The following ZMAT5 variants were observed in gnomAD, a reference collection of about 807,000 sequenced individuals.
The protein encoded by ZMAT5 is zinc finger matrin-type protein 5.
Under a neutral mutation model 28.0 loss-of-function variants are expected in ZMAT5, and 23 were observed. The ratio of observed to expected loss-of-function variants is 0.82; its 90% CI spans 0.59 to 1.16. The LOEUF is 1.16. Ranked by LOEUF, ZMAT5 falls within the 50% of genes most tolerant of loss-of-function variation. The probability of loss-of-function intolerance (pLI) is 0.00; values close to 1 mark genes in which losing one functional copy is unlikely to be tolerated. For synonymous variants in ZMAT5, 76 were observed against 84.1 expected, an observed-to-expected ratio of 0.90 and a Z score of 0.52; for missense variants, 173 against 212.7, an observed-to-expected ratio of 0.81 and a Z score of 1.16.
At chr22:29,751,810 T>C (rs2068057497) in intron 1 of ZMAT5, among the ~76,000 whole-genome samples, 3 of 152,018 alleles carry the variant, frequency 2.0e-5, no homozygotes, top group Admixed American at 2.0e-4. Context: ...GTACAAAAAA[T>C]GCAAAAATCA....
chr22:29,748,214 C>T, intron 2 of ZMAT5: 1 of 684,146 alleles, frequency 1.5e-6, no homozygotes, highest in East Asian at 2.8e-5. Context: ...TTCCTCCTGT[C>T]CACAGAGCCT....
intron 4 of ZMAT5, 62 bp from the exon 5 acceptor site, chr22:29,738,503 C>A (rs558814726): frequency 1.7e-5 from 25 of 1,490,082 alleles, no homozygotes; most frequent in Admixed American, 5.3e-5. Context: ...GAACCCTACC[C>A]TCTCACAAAG....
intron 1 of ZMAT5, among the ~76,000 whole-genome samples, chr22:29,757,732 T>C (rs131273): frequency 0.41 from 62,829 of 151,974 alleles, 13,686 homozygotes; most frequent in East Asian, 0.6. Flanking sequence ...TAAAAGACAC[T>C]GCAGGGAGGG....
In ZMAT5 at chr22:29,738,365, C is replaced by T; in HGVS notation, c.348G>A (p.Lys116=). 1 of 1,609,768 alleles carries T rather than the reference C, an allele frequency of 6.2e-7. No individual in the cohort carries two copies. Among genetic ancestry groups the T allele is most frequent in the South Asian group, 1.1e-5 (1 of 91,014 alleles). Residue 116 remains lysine, a synonymous_variant, in exon 5 of 6, where the codon AAG becomes AAA. Transcript: ENST00000344318. The part of the protein sequence containing the change: ...PEGHLEDWLE[K]RAKRLSSAPS... ...GGGCTGAGCTCAGCCGCTTGGCTCT[C>T]TTCTCCAGCCAGTCCTCCAGATGGC...
chr22:29,740,611 A>C (rs2067952369), intron 4 of ZMAT5, 39 bp downstream of exon 4: 2 of 1,556,670 alleles, frequency 1.3e-6, no homozygotes, highest in Non-Finnish European at 8.7e-7. Context: ...ATGCCCCAGC[A>C]CCCCACTCCC....
At chr22:29,764,792 C>T (rs183345221) in intron 1 of ZMAT5, among the ~76,000 whole-genome samples, 152 of 152,216 alleles carry the variant, frequency 1.0e-3, no homozygotes, top group South Asian at 1.5e-3. Flanking sequence ...TGTGAGCCAC[C>T]GCGCCTGGCC....
intron 4 of ZMAT5, among the ~76,000 whole-genome samples, chr22:29,740,334 G>A (rs926368997): frequency 6.6e-6 from 1 of 152,110 alleles, no homozygotes; most frequent in Non-Finnish European, 1.5e-5. Flanking sequence ...GATTGAGGAA[G>A]GGATGGGGTG....
In ZMAT5 at chr22:29,740,676, A is replaced by C; in HGVS notation, c.245T>G (p.Leu82Arg). Residue 82 changes from leucine to arginine, a missense_variant, in exon 4 of 6, where the codon CTG (leucine) becomes CGG (arginine). Leu to Arg is a moderately radical substitution (Grantham distance 102). Coordinates refer to ENST00000344318, the MANE Select transcript of ZMAT5 (RefSeq NM_001003692.2). The stretch of plus-strand genomic sequence containing the variant: ...CTCCACCTGGATGCTCAGCTCCTGC[A>C]GGTCTCGCTCTGACATGTGGGAAAA... ...CRFSHMSERD[L>R]QELSIQVEEE... The C allele has an allele frequency of 1.9e-6, 3 of 1,604,424 alleles. No individual in the cohort carries two copies. The highest frequency in any genetic ancestry group is 2.6e-6 in the Non-Finnish European group (3 of 1,175,852).
intron 1 of ZMAT5, among the ~76,000 whole-genome samples, 195 bp downstream of exon 1, chr22:29,766,677 C>T (rs538799096): frequency 6.6e-6 from 1 of 152,330 alleles, no homozygotes; most frequent in Admixed American, 6.5e-5. Context: ...CCGTCCCTGC[C>T]CTTAATCCAG....
At chr22:29,738,479 A>G in intron 4 of ZMAT5, 38 bp from the exon 5 acceptor site, 3 of 1,570,030 alleles carry the variant, frequency 1.9e-6, no homozygotes, top group South Asian at 2.2e-5. Context: ...TGAGGGGTAC[A>G]CTCCTGCCTG....
chr22:29,751,490 G>A (rs1384822932), intron 1 of ZMAT5, among the ~76,000 whole-genome samples: 1 of 152,176 alleles, frequency 6.6e-6, no homozygotes, highest in Non-Finnish European at 1.5e-5. Flanking sequence ...CTACGTGCTG[G>A]CACTAAGCTG....
At chr22:29,753,677 A>G (rs550177725) in intron 1 of ZMAT5, among the ~76,000 whole-genome samples, 1 of 152,230 alleles carries the variant, frequency 6.6e-6, no homozygotes, top group African/African-American at 2.4e-5. Context: ...TGACAGAGCA[A>G]GACTCCCTCT....
intron 5 of ZMAT5, among the ~76,000 whole-genome samples, chr22:29,733,162 C>T (rs531200782): frequency 3.0e-4 from 45 of 152,348 alleles, no homozygotes; most frequent in African/African-American, 1.0e-3. Flanking sequence ...GCTGCAGACA[C>T]GGCCTTCCCA....
chr22:29,749,301 T>C (rs1307029054), intron 1 of ZMAT5, among the ~76,000 whole-genome samples: 1 of 151,788 alleles, frequency 6.6e-6, no homozygotes. Context: ...GCTGGTCTCC[T>C]GGGCTCAAGT....
At chr22:29,751,318 A>G (rs1034335893) in intron 1 of ZMAT5, among the ~76,000 whole-genome samples, 2 of 152,222 alleles carry the variant, frequency 1.3e-5, no homozygotes, top group African/African-American at 4.8e-5. Flanking sequence ...CTAGGCCTCT[A>G]CGTTCACTGT....
At chr22:29,741,101 C>T (rs976139146) in intron 3 of ZMAT5, among the ~76,000 whole-genome samples, 13 of 152,200 alleles carry the variant, frequency 8.5e-5, no homozygotes, top group African/African-American at 3.1e-4. Context: ...TTCCTTTCTC[C>T]ACTCCAAGCC....
chr22:29,735,022 G>A (rs943431275), intron 5 of ZMAT5, among the ~76,000 whole-genome samples: 3 of 152,082 alleles, frequency 2.0e-5, no homozygotes. Context: ...CATTGTTGCT[G>A]CAGCACTGCC....
chr22:29,738,406 G>A lies in ZMAT5; in HGVS notation c.307C>T (p.Pro103Ser), dbSNP rs753828584. The stretch of plus-strand genomic sequence containing the variant: ...TCCAGATGGCCCTCGGGGAGCTCAG[G>A]AGCATCTAGTAGCCACTCCCTGGCT... ...RRAREWLLDA[P>S]ELPEGHLEDW... Residue 103 changes from proline (P) to serine (S), a missense_variant, in exon 5 of 6, where the codon CCT becomes TCT. Transcript: ENST00000344318. The A allele has an allele frequency of 7.4e-6, 12 of 1,610,778 alleles. No individual in the cohort carries two copies. The highest frequency in any genetic ancestry group is 2.2e-5 in the East Asian group (1 of 44,858).
At chr22:29,736,719 CA>C (rs35069848) in intron 5 of ZMAT5, among the ~76,000 whole-genome samples, 158 of 25,270 alleles carry the variant, frequency 6.3e-3, no homozygotes, top group South Asian at 0.023. Context: ...GACTCCATCT[CA>C]AAAAAAAAAA....
Sources: gnomAD v4.1 joint callset for allele counts (sites outside exome capture counted in the v4.1 genomes callset) on GRCh38, gnomAD v4.1.1 for gene constraint, MANE v1.5 for transcripts, NCBI Gene and HGNC (gene_info 2026-07-23, HGNC 2026-07-21) for gene names.